PCDHGB2: variants seen among roughly 807,000 people sequenced by gnomAD.
PCDHGB2 encodes the protein protocadherin gamma-B2.
In PCDHGB2, 55 loss-of-function variants were observed where a neutral mutation model predicts 59.3. That is an observed-to-expected ratio of 0.93 (90% CI 0.75 to 1.16). The LOEUF is 1.16. Among genes scored for constraint, PCDHGB2 ranks in the 50% most tolerant of loss-of-function variants. PCDHGB2 has a pLI of 0.00. For missense variants in PCDHGB2, 1,228 were observed against 1,198.5 expected (o/e 1.02, Z -0.36); for synonymous variants, 516 against 512.0 (o/e 1.01, Z -0.11).
At chr5:141,398,606 C>T in intron 1 of PCDHGB2, 1 of 1,614,000 alleles carries the variant, frequency 6.2e-7, no homozygotes, top group Non-Finnish European at 8.5e-7. Context: ...GCAGAAGATG[C>T]AGATATTGGC....
intron 1 of PCDHGB2, chr5:141,403,562 G>A (rs2094421705): frequency 6.2e-7 from 1 of 1,613,980 alleles, no homozygotes; most frequent in Non-Finnish European, 8.5e-7. Context: ...GGACAGGGAG[G>A]AGGCAACTGC....
intron 1 of PCDHGB2, chr5:141,383,132 A>G: frequency 1.2e-6 from 2 of 1,614,110 alleles, no homozygotes; most frequent in Non-Finnish European, 1.7e-6. Context: ...TTCGCCCTGA[A>G]CCAGCGCAGC....
intron 1 of PCDHGB2, among the ~76,000 whole-genome samples, chr5:141,483,611 A>G (rs2099583566): frequency 6.6e-6 from 1 of 151,952 alleles, no homozygotes; most frequent in South Asian, 2.1e-4. Context: ...TTACACCTCC[A>G]TCATTCCCAT....
Position 141,415,740 on chromosome 5 carries a change from GTTTTTTTTTTTTTTTT to G in PCDHGB2, c.2421+53201_2421+53216del, listed in dbSNP as rs57426385. 54 of 625,040 alleles carry G rather than the reference GTTTTTTTTTTTTTTTT, an allele frequency of 8.6e-5. 1 individual carries two copies. The East Asian group carries it at 1.4e-3, about 16-fold the overall frequency. The allele number at this position is 625,040 out of a possible 1,614,324, so 38.7% of individuals were successfully genotyped here. ...TGAGTAGAATTTGATGTTTATTAAG[GTTTTTTTTTTTTTTTT>G]TTTTTTTTTTTTTTTTACTTTCTGG... On this transcript the variant is annotated intron_variant, in intron 1 of 3. Transcript: ENST00000522605.
In PCDHGB2 at chr5:141,389,878, G is replaced by A. The variant is rs1369885786; in HGVS notation, c.2421+27322G>A. On this transcript the variant is annotated intron_variant, in intron 1 of 3. Coordinates refer to ENST00000522605, the MANE Select transcript of PCDHGB2 (RefSeq NM_018923.3). ...ACGTTGCACCTGGTCTTCGCCGACA[G>A]CTTGCAGGAGGTGCTGCCGGATATC... The A allele has an allele frequency of 6.2e-7, 1 of 1,613,972 alleles. No individual in the cohort carries two copies. The highest frequency in any genetic ancestry group is 1.3e-5 in the African/African-American group (1 of 74,952).
intron 1 of PCDHGB2, chr5:141,372,315 C>A (rs1444112616): frequency 6.2e-7 from 1 of 1,613,564 alleles, no homozygotes; most frequent in Non-Finnish European, 8.5e-7. Context: ...CGCCCGCCAG[C>A]GCCTGCTGGT....
At chr5:141,372,662 T>C in intron 1 of PCDHGB2, 1 of 1,614,056 alleles carries the variant, frequency 6.2e-7, no homozygotes, top group Non-Finnish European at 8.5e-7. Context: ...ATCCGTGTGC[T>C]GCCTCACATT....
intron 1 of PCDHGB2, among the ~76,000 whole-genome samples, chr5:141,472,402 G>A (rs569497172): frequency 8.5e-5 from 13 of 152,160 alleles, no homozygotes; most frequent in South Asian, 2.1e-4. Context: ...TTAGCCAGGC[G>A]TGGTGGCACG....
chr5:141,389,303 G>A (rs773665051), intron 1 of PCDHGB2: 4 of 1,613,882 alleles, frequency 2.5e-6, no homozygotes, highest in Non-Finnish European at 3.4e-6. Context: ...CACAAGTCAG[G>A]GCTTCTGATC....
chr5:141,377,724 A>T (rs549902283), intron 1 of PCDHGB2: 1 of 152,244 alleles, frequency 6.6e-6, no homozygotes, highest in Non-Finnish European at 1.5e-5. Flanking sequence ...TTTTGAAAAG[A>T]TAAGAATCAT....
intron 1 of PCDHGB2, chr5:141,423,928 G>C: frequency 8.1e-7 from 1 of 1,236,850 alleles, no homozygotes; most frequent in Non-Finnish European, 1.0e-6. Flanking sequence ...ATGCTGGTTT[G>C]GTTTGAAGTA....
chr5:141,427,928 G>A (rs1178662640), intron 1 of PCDHGB2: 2 of 1,583,504 alleles, frequency 1.3e-6, no homozygotes. Flanking sequence ...GCCGGCGCAT[G>A]TTGGTGGGCG....
Position 141,486,253 on chromosome 5 carries a change from C to A in PCDHGB2, c.2422-8554C>A. The A allele has an allele frequency of 6.2e-7, 1 of 1,614,138 alleles. No individual in the cohort carries two copies. Among genetic ancestry groups the A allele is most frequent in the Non-Finnish European group, 8.5e-7 (1 of 1,180,006 alleles). On this transcript the variant is annotated intron_variant, in intron 1 of 3. Transcript: ENST00000522605. This position sits in a 1 kb window ranked among gnomAD's most constrained non-coding sequence, Gnocchi z 5.0. ...TGACCTCAGAGCTTGGAACCCTCCC[C>A]GAGAGTGCAGAACCTGGCACTGTGG...
intron 1 of PCDHGB2, among the ~76,000 whole-genome samples, chr5:141,482,526 C>T (rs1198022164): frequency 1.5e-5 from 1 of 68,582 alleles, no homozygotes; most frequent in African/African-American, 9.7e-5. Flanking sequence ...ATGAGACAGA[C>T]ATGCAAAAAA....
intron 1 of PCDHGB2, chr5:141,428,437 C>G: frequency 2.5e-6 from 1 of 400,386 alleles, no homozygotes; most frequent in East Asian, 5.4e-5. Flanking sequence ...TAAGACTAGA[C>G]CAGGGGTTTT....
At chr5:141,415,023 C>G in intron 1 of PCDHGB2, 1 of 1,613,530 alleles carries the variant, frequency 6.2e-7, no homozygotes, top group Non-Finnish European at 8.5e-7. Context: ...TCAAGGCCAG[C>G]GAGCCGGGAC....
In PCDHGB2 at chr5:141,365,535, A is replaced by G. The variant is rs1042184144; in HGVS notation, c.2421+2979A>G. 3.1e-6 allele frequency: 5 copies of G among 1,613,822 alleles called. No individual in the cohort carries two copies. Among genetic ancestry groups the G allele is most frequent in the Non-Finnish European group, 4.2e-6 (5 of 1,179,884 alleles). On this transcript the variant is annotated intron_variant, in intron 1 of 3. Transcript: ENST00000522605. ...TTGGAGAAGTCAGTTGATAATTACTATCACCTATTAACAACTAGGGACCTG... is the reference window on the plus strand; with the variant it reads ...TTGGAGAAGTCAGTTGATAATTACTGTCACCTATTAACAACTAGGGACCTG...
intron 1 of PCDHGB2, chr5:141,428,048 G>A: frequency 6.2e-7 from 1 of 1,608,900 alleles, no homozygotes; most frequent in Admixed American, 1.7e-5. Context: ...TGGTGACCAA[G>A]GTGGTGGCGG....
In PCDHGB2 at chr5:141,422,057, A is replaced by T. The variant is rs1356083259; in HGVS notation, c.2421+59501A>T. 3.1e-6 allele frequency: 5 copies of T among 1,611,974 alleles called. No individual in the cohort carries two copies. The South Asian group carries it at 5.5e-5, about 18-fold the overall frequency. On this transcript the variant is annotated intron_variant, in intron 1 of 3. Transcript: ENST00000522605. The stretch of plus-strand genomic sequence containing the variant: ...GATCCAGACGAGGGAATCAACGGGG[A>T]AGTAATGTATTCATTTCGGAACATG...
Sources: gnomAD v4.1 joint callset for allele counts (sites outside exome capture counted in the v4.1 genomes callset) on GRCh38, gnomAD v4.1.1 for gene constraint, Gnocchi (gnomAD v3.1) non-coding constraint, MANE v1.5 for transcripts, NCBI Gene and HGNC (gene_info 2026-07-23, HGNC 2026-07-21) for gene names.